The following TUBA4B variants were observed in gnomAD, a reference collection of about 807,000 sequenced individuals.
TUBA4B encodes the protein tubulin alpha 4b, also known as tubulin-like protein alpha-4B.
TUBA4B carries 13 observed loss-of-function variants against 18.4 expected under a neutral mutation model. The ratio of observed to expected loss-of-function variants is 0.71; its 90% CI spans 0.46 to 1.12. The LOEUF is 1.12. Ranked by LOEUF, TUBA4B falls within the 50% of genes most tolerant of loss-of-function variation. TUBA4B has a pLI of 0.00. For synonymous variants in TUBA4B, 101 were observed against 99.1 expected (o/e 1.02, Z -0.11); for missense variants, 244 against 250.0 (o/e 0.98, Z 0.16).
rs765592984 is a variant in TUBA4B, at chr2:219,271,653, G to A, written c.680G>A (p.Trp227Ter). Residue 227 changes from tryptophan (W) to a stop codon, truncating the protein, a stop_gained, in exon 4 of 4, where the codon TGG (tryptophan) becomes TAG (stop). Transcript: ENST00000490341. LOFTEE classifies it high-confidence loss of function. ...AGGTATACCACGAGCAGCTGTTGGT[G>A]GCAGAGATTACCAATGCCTGCTTTG... Reference protein sequence around the residue: ...QKRYTTSSCWWQRLPMPALSL... With the variant: ...QKRYTTSSCW 6.2e-7 allele frequency: 1 copy of A among 1,613,820 alleles called. No individual in the cohort carries two copies. The highest frequency in any genetic ancestry group is 1.7e-5 in the Admixed American group (1 of 60,020).
chr2:219,257,104 C>G (rs1040421342), intron 1 of TUBA4B, among the ~76,000 whole-genome samples: 34 of 131,632 alleles, frequency 2.6e-4, no homozygotes, highest in African/African-American at 9.8e-4. Flanking sequence ...AGTACAGTGG[C>G]GCGATCTCGG....
rs1951805765 is a variant in TUBA4B at position 219,268,525 on chromosome 2, TTTAA to T, written c.59-1674_59-1671del. ...CAGGCACTTTGCATGCATTCTTTCA[TTTAA>T]TTCTCATAGTTTTTCTAGGAGGGGC... On this transcript the variant is annotated intron_variant, in intron 2 of 3. Coordinates refer to ENST00000490341, the MANE Select transcript of TUBA4B (RefSeq NM_001355221.1). 5.9e-5 allele frequency among the ~76,000 whole-genome samples: 9 copies of T among 152,368 alleles called. No homozygotes were observed. The South Asian group carries it at 1.9e-3, about 32-fold the overall frequency.
chr2:219,255,103 T>C (rs960950866), intron 1 of TUBA4B, among the ~76,000 whole-genome samples: 1 of 152,140 alleles, frequency 6.6e-6, no homozygotes. Flanking sequence ...CAGGCTAGAG[T>C]GCAGTGGTGC....
chr2:219,266,085 ATCT>A (rs1370053482), intron 1 of TUBA4B: 9 of 160,916 alleles, frequency 5.6e-5, no homozygotes, highest in African/African-American at 2.2e-4. Context: ...CATTGCAGAG[ATCT>A]TCTTAGTCCC....
Position 219,271,561 on chromosome 2 carries a change from C to G in TUBA4B, c.588C>G (p.Thr196=). The G allele has an allele frequency of 6.2e-7, 1 of 1,614,216 alleles. No homozygotes were observed. Among genetic ancestry groups the G allele is most frequent in the Non-Finnish European group, 8.5e-7 (1 of 1,180,022 alleles). ...ATGTGGACCTGACAGAGTTCCAGAC[C>G]AACCTGGTGTCCTACCTCACATCCA... is the stretch of plus-strand genomic sequence containing the variant. The part of the protein sequence containing the change: ...ALNVDLTEFQ[T]NLVSYLTSTS... The change falls in exon 4 of 4, where the codon ACC becomes ACG. Residue 196 remains threonine, a synonymous_variant. Transcript: ENST00000490341.
At chr2:219,257,641 CAAAAAAAAAA>C (rs1158116997) in intron 1 of TUBA4B, among the ~76,000 whole-genome samples, 6 of 41,488 alleles carry the variant, frequency 1.4e-4, no homozygotes, top group South Asian at 3.3e-3. Context: ...GACACTGTCT[CAAAAAAAAAA>C]AAAAAAAAAA....
intron 3 of TUBA4B, among the ~76,000 whole-genome samples, 198 bp from the exon 4 acceptor site, chr2:219,270,968 G>T (rs554160226): frequency 6.6e-6 from 1 of 152,138 alleles, no homozygotes; most frequent in Admixed American, 6.5e-5. Flanking sequence ...AGGGCCTCAG[G>T]AGATTTCAGA....
chr2:219,263,798 A>C (rs932714010), intron 1 of TUBA4B, among the ~76,000 whole-genome samples: 2 of 152,256 alleles, frequency 1.3e-5, no homozygotes, highest in African/African-American at 4.8e-5. Context: ...AGCCAAAGCC[A>C]GAGTTAACCA....
In TUBA4B at chr2:219,253,363, G is replaced by C. The variant is rs1007700950; in HGVS notation, c.-45G>C. On this transcript the variant is annotated 5_prime_UTR_variant, in exon 1 of 4. Coordinates refer to ENST00000490341, the MANE Select transcript of TUBA4B (RefSeq NM_001355221.1). ...GCGGGGTGCTGAGTCACGGGGGGGG[G>C]GTGGTTCTGTGGATAGTTGGAATGC... 4 of 1,534,408 alleles carry C rather than the reference G, an allele frequency of 2.6e-6. No homozygotes were observed. Among genetic ancestry groups the C allele is most frequent in the Admixed American group, 3.9e-5 (2 of 50,912 alleles).
intron 3 of TUBA4B, among the ~76,000 whole-genome samples, chr2:219,270,755 T>C (rs1450557090): frequency 2.1e-5 from 3 of 144,456 alleles, no homozygotes; most frequent in Non-Finnish European, 3.0e-5. Context: ...ATGAGGTTCC[T>C]GGATTGTTGT....
At chr2:219,259,280 C>G (rs2125074514) in intron 1 of TUBA4B, among the ~76,000 whole-genome samples, 1 of 146,204 alleles carries the variant, frequency 6.8e-6, no homozygotes, top group Non-Finnish European at 1.5e-5. Context: ...GAATGCGCCA[C>G]TGCACTCCAG....
At chr2:219,253,791 G>C (rs1284622846) in intron 1 of TUBA4B, 3 of 1,528,306 alleles carry the variant, frequency 2.0e-6, no homozygotes, top group Non-Finnish European at 2.6e-6. Context: ...ATGCCTGGAA[G>C]AAGTGTCCCC....
In TUBA4B at chr2:219,271,772, T is replaced by G; in HGVS notation, c.*73T>G. On this transcript the variant is annotated 3_prime_UTR_variant, in exon 4 of 4. Coordinates refer to ENST00000490341, the MANE Select transcript of TUBA4B (RefSeq NM_001355221.1). ...CATGGAGATGTGGTGCCCAAGGATG[T>G]CAACGCTGCCATTGCTGCCATCAAG... 6.2e-7 allele frequency: 1 copy of G among 1,610,608 alleles called. No individual in the cohort carries two copies. The highest frequency in any genetic ancestry group is 1.7e-5 in the Admixed American group (1 of 60,024).
chr2:219,261,703 C>G (rs939419287), intron 1 of TUBA4B, among the ~76,000 whole-genome samples: 6 of 152,212 alleles, frequency 3.9e-5, no homozygotes, highest in Non-Finnish European at 8.8e-5. Context: ...TCTGAACCAG[C>G]TTCCTGCCTC....
At chr2:219,267,619 C>T (rs1042979086) in intron 2 of TUBA4B, among the ~76,000 whole-genome samples, 2 of 150,322 alleles carry the variant, frequency 1.3e-5, no homozygotes, top group Admixed American at 1.3e-4. Context: ...TTCTGGAGTG[C>T]AGTGGCGCAA....
intron 1 of TUBA4B, among the ~76,000 whole-genome samples, chr2:219,254,832 C>T (rs562415937): frequency 6.6e-6 from 1 of 152,338 alleles, no homozygotes; most frequent in Admixed American, 6.5e-5. Context: ...ATCAAAATGT[C>T]TGTTGCCTCT....
intron 1 of TUBA4B, among the ~76,000 whole-genome samples, chr2:219,255,341 C>T (rs112116054): frequency 1.3e-5 from 2 of 152,154 alleles, no homozygotes; most frequent in African/African-American, 2.4e-5. Flanking sequence ...CGGGTTCTAG[C>T]GATTCTCCTG....
intron 2 of TUBA4B, among the ~76,000 whole-genome samples, chr2:219,267,064 C>G (rs1316851286): frequency 6.6e-6 from 1 of 152,132 alleles, no homozygotes; most frequent in Non-Finnish European, 1.5e-5. Context: ...CCTCTCATGT[C>G]AGTTACAGAT....
intron 1 of TUBA4B, among the ~76,000 whole-genome samples, chr2:219,262,197 GCAA>G: frequency 6.6e-6 from 1 of 152,288 alleles, no homozygotes; most frequent in Non-Finnish European, 1.5e-5. Context: ...TGTAGTCCCA[GCAA>G]CTCGGGAGGC....
Sources: allele counts gnomAD v4.1 joint callset (sites outside exome capture counted in the v4.1 genomes callset), GRCh38; gene constraint gnomAD v4.1.1; transcripts MANE v1.5; gene names NCBI Gene and HGNC (gene_info 2026-07-23, HGNC 2026-07-21).